TRIM8: variants seen among roughly 807,000 people sequenced by gnomAD.
TRIM8 encodes E3 ubiquitin-protein ligase TRIM8.
In TRIM8, 9 loss-of-function variants were observed where a neutral mutation model predicts 55.7. The observed-to-expected ratio is 0.16, with a 90% confidence interval of 0.10 to 0.28. TRIM8 has a LOEUF of 0.28. Among genes scored for constraint, TRIM8 ranks in the 10% least tolerant of loss-of-function variants. The pLI, the probability that TRIM8 is intolerant of heterozygous loss-of-function variation, is 1.00. For synonymous variants in TRIM8, 335 were observed against 333.3 expected, an observed-to-expected ratio of 1.01 and a Z score of -0.06; for missense variants, 556 against 736.4, an observed-to-expected ratio of 0.76 and a Z score of 2.83.
Position 102,657,053 on chromosome 10 carries a change from CCCAG to C in TRIM8, c.1357_1360del (p.Gln453SerfsTer96). The stretch of plus-strand genomic sequence containing the variant: ...TCGCAGTATCCCAATGGCTCCGCCG[CCCAG>C]CAGCCCATGCTCCCCCAGTATGGCG... On this transcript the variant is annotated frameshift_variant, in exon 6 of 6. Transcript: ENST00000643721. LOFTEE classifies it high-confidence loss of function. The C allele has an allele frequency of 6.2e-7, 1 of 1,613,284 alleles. No homozygotes were observed. Among genetic ancestry groups the C allele is most frequent in the Non-Finnish European group, 8.5e-7 (1 of 1,179,970 alleles).
intron 1 of TRIM8, among the ~76,000 whole-genome samples, chr10:102,651,449 G>T (rs1211622355): frequency 6.6e-6 from 1 of 152,242 alleles, no homozygotes. Flanking sequence ...AGCCTGCGGG[G>T]TGGGTGTGGA....
At position 102,657,144 on chromosome 10, in the gene TRIM8, C is replaced by T; in HGVS notation, c.1446C>T (p.Gly482=). ...ACTGTTCTTCCGTGGCCAACCATGG[C>T]GGCCACCAGCCCTACCCCCGCTCCG... The part of the protein sequence containing the change: ...NCYCSSVANH[G]GHQPYPRSGH... Residue 482 remains glycine, a synonymous_variant, in exon 6 of 6, where the codon GGC becomes GGT. Transcript: ENST00000643721. The T allele has an allele frequency of 1.2e-6, 2 of 1,613,746 alleles. No individual in the cohort carries two copies. The highest frequency in any genetic ancestry group is 1.1e-5 in the South Asian group (1 of 91,082).
At chr10:102,650,928 G>A (rs1197714601) in intron 1 of TRIM8, among the ~76,000 whole-genome samples, 1 of 152,142 alleles carries the variant, frequency 6.6e-6, no homozygotes, top group Non-Finnish European at 1.5e-5. Context: ...GTCGTGAAGG[G>A]GACGGCAGGC....
chr10:102,657,373 G>T lies in TRIM8; in HGVS notation c.*19G>T. ...GAGCTAACGCCACGCAGGCGGCGGG[G>T]CGCTGGGGAATCTTCCTCCCCAGCC... On this transcript the variant is annotated 3_prime_UTR_variant, in exon 6 of 6. Transcript: ENST00000643721. The T allele has an allele frequency of 6.5e-7, 1 of 1,533,916 alleles. No homozygotes were observed. The highest frequency in any genetic ancestry group is 8.8e-7 in the Non-Finnish European group (1 of 1,138,226).
chr10:102,649,033 GGTGT>G (rs58956109), intron 1 of TRIM8, among the ~76,000 whole-genome samples: 13,377 of 151,138 alleles, frequency 0.089, 841 homozygotes, highest in East Asian at 0.19. Context: ...TCTGTCTGCA[GGTGT>G]GTGTGTGTGT....
At chr10:102,645,254 C>G in intron 1 of TRIM8, 67 bp downstream of exon 1, 1 of 1,408,968 alleles carries the variant, frequency 7.1e-7, no homozygotes, top group South Asian at 1.5e-5. Context: ...CTCTCTCCCG[C>G]CCCGGGACCA....
chr10:102,646,412 GCT>G (rs1035525031), intron 1 of TRIM8, among the ~76,000 whole-genome samples: 6 of 152,220 alleles, frequency 3.9e-5, no homozygotes, highest in Admixed American at 3.9e-4. Flanking sequence ...CTATGAGGAA[GCT>G]CTGTTCAGGG....
intron 3 of TRIM8, 100 bp downstream of exon 3, chr10:102,655,413 G>A: frequency 1.7e-6 from 2 of 1,149,924 alleles, no homozygotes; most frequent in Non-Finnish European, 2.5e-6. Context: ...CCTTACCTTT[G>A]GAGCCAGCAT....
intron 1 of TRIM8, 38 bp downstream of exon 1, chr10:102,645,225 A>T: frequency 6.7e-7 from 1 of 1,485,760 alleles, no homozygotes; most frequent in Admixed American, 2.3e-5. Context: ...ACACACACAC[A>T]CAGACACACA....
chr10:102,657,416 T>G lies in TRIM8; in HGVS notation c.*62T>G, dbSNP rs528960543. On this transcript the variant is annotated 3_prime_UTR_variant, in exon 6 of 6. Transcript: ENST00000643721. ...CCCCAGCCCCCGGGCTCGGGAGTTA[T>G]GCATCCAGAGACCTGCCCTTCTACC... The G allele has an allele frequency of 1.3e-6, 2 of 1,512,340 alleles. No individual in the cohort carries two copies. Among genetic ancestry groups the G allele is most frequent in the East Asian group, 2.3e-5 (1 of 43,708 alleles). 93.7% of individuals were successfully genotyped at this position (1,512,340 alleles called of 1,614,324 possible). A position where few individuals can be genotyped will look rare whatever the true frequency, so the allele number is the denominator to read the frequency against.
Position 102,656,485 on chromosome 10 carries a change from G to A in TRIM8, c.1048+100G>A. ...AGAGGCAGTGTGGCCCAGTCTGGGAGACCTGTCCTCATATCCAGGCTTTGC... is the reference window on the plus strand; with the variant it reads ...AGAGGCAGTGTGGCCCAGTCTGGGAAACCTGTCCTCATATCCAGGCTTTGC... On this transcript the variant is annotated intron_variant, in intron 5 of 5. Transcript: ENST00000643721. This position sits in a 1 kb window ranked among gnomAD's most constrained non-coding sequence, Gnocchi z 4.6. 3 of 1,500,420 alleles carry A rather than the reference G, an allele frequency of 2.0e-6. No individual in the cohort carries two copies. In the East Asian group the frequency reaches 7.4e-5, roughly 37 times the overall value. The allele number at this position is 1,500,420 out of a possible 1,614,324, so 92.9% of individuals were successfully genotyped here.
chr10:102,656,213 AGGGCGGGC>A lies in TRIM8; in HGVS notation c.933-56_933-49del. 2.5e-6 allele frequency: 4 copies of A among 1,614,058 alleles called. No homozygotes were observed. Among genetic ancestry groups the A allele is most frequent in the Non-Finnish European group, 3.4e-6 (4 of 1,179,982 alleles). The stretch of plus-strand genomic sequence containing the variant: ...GGGGCCAGGCCCATGGCGGGGAGGT[AGGGCGGGC>A]TCACCGGTGATGCCTCCTCACAGCA... On this transcript the variant is annotated intron_variant, in intron 4 of 5. Coordinates refer to ENST00000643721, the MANE Select transcript of TRIM8 (RefSeq NM_030912.3). The surrounding 1 kb of genome is among the most constrained non-coding windows in gnomAD (Gnocchi z 4.6).
In TRIM8 at chr10:102,656,226, CG is replaced by C; in HGVS notation, c.933-42del. 6.2e-7 allele frequency: 1 copy of C among 1,614,020 alleles called. No individual in the cohort carries two copies. Among genetic ancestry groups the C allele is most frequent in the South Asian group, 1.1e-5 (1 of 91,074 alleles). On this transcript the variant is annotated intron_variant, in intron 4 of 5. Coordinates refer to ENST00000643721, the MANE Select transcript of TRIM8 (RefSeq NM_030912.3). This position sits in a 1 kb window ranked among gnomAD's most constrained non-coding sequence, Gnocchi z 4.6. ...TGGCGGGGAGGTAGGGCGGGCTCAC[CG>C]GTGATGCCTCCTCACAGCAGATGCC...
rs893400798 is a variant in TRIM8 at position 102,656,793 on chromosome 10, C to T, written c.1095C>T (p.Tyr365=). The T allele has an allele frequency of 3.9e-6, 6 of 1,519,866 alleles. No individual in the cohort carries two copies. Among genetic ancestry groups the T allele is most frequent in the Non-Finnish European group, 5.3e-6 (6 of 1,135,118 alleles). The allele number at this position is 1,519,866 out of a possible 1,614,324, so 94.1% of individuals were successfully genotyped here. The part of the protein sequence containing the change: ...PVPFLQSVPL[Y]PCGVSSSGAE... ...CCTTCCTGCAGAGTGTCCCCCTGTA[C>T]CCTTGCGGCGTGAGCAGCTCTGGGG... is the stretch of plus-strand genomic sequence containing the variant. The change falls in exon 6 of 6, where the codon TAC becomes TAT. Residue 365 remains tyrosine (Y), a synonymous_variant. Coordinates refer to ENST00000643721, the MANE Select transcript of TRIM8 (RefSeq NM_030912.3). The surrounding 1 kb of genome is among the most constrained non-coding windows in gnomAD (Gnocchi z 4.6).
chr10:102,648,804 T>G (rs2063956795), intron 1 of TRIM8, among the ~76,000 whole-genome samples: 1 of 151,938 alleles, frequency 6.6e-6, no homozygotes, highest in African/African-American at 2.4e-5. Context: ...CACGTGTGTT[T>G]GTGGTGTGAC....
At chr10:102,650,933 G>A (rs2063979526) in intron 1 of TRIM8, among the ~76,000 whole-genome samples, 1 of 152,120 alleles carries the variant, frequency 6.6e-6, no homozygotes, top group Non-Finnish European at 1.5e-5. Flanking sequence ...GAAGGGGACG[G>A]CAGGCAGGTA....
chr10:102,654,292 C>T (rs2064006307), intron 1 of TRIM8: 1 of 175,498 alleles, frequency 5.7e-6, no homozygotes, highest in Admixed American at 5.8e-5. Context: ...AAAAAATTAG[C>T]TGGGCGTTGT....
intron 1 of TRIM8, among the ~76,000 whole-genome samples, chr10:102,652,927 C>T (rs962172811): frequency 6.6e-6 from 1 of 151,996 alleles, no homozygotes; most frequent in African/African-American, 2.4e-5. Flanking sequence ...CCTCAGCCTC[C>T]TGAGTAGTTG....
At chr10:102,654,769 G>T (rs752744495) in intron 2 of TRIM8, 21 bp downstream of exon 2, 1 of 1,590,292 alleles carries the variant, frequency 6.3e-7, no homozygotes, top group African/African-American at 1.3e-5. Context: ...CCAAGGCCAT[G>T]CTGCGGGGTG....
Sources: allele counts gnomAD v4.1 joint callset (sites outside exome capture counted in the v4.1 genomes callset), GRCh38; gene constraint gnomAD v4.1.1; non-coding constraint Gnocchi (gnomAD v3.1); transcripts MANE v1.5; gene names NCBI Gene and HGNC (gene_info 2026-07-23, HGNC 2026-07-21).